MALRD1: variants seen among roughly 807,000 people sequenced by gnomAD.
The protein encoded by MALRD1 is MAM and LDL receptor class A domain containing 1.
Under a neutral mutation model 242.1 loss-of-function variants are expected in MALRD1, and 247 were observed. The ratio of observed to expected loss-of-function variants is 1.02; its 90% CI spans 0.92 to 1.13. MALRD1 has a LOEUF of 1.13. MALRD1 is among the 50% of genes most tolerant of loss of function. MALRD1 has a pLI of 0.00. For synonymous variants in MALRD1, 995 were observed against 866.6 expected, an observed-to-expected ratio of 1.15 and a Z score of -2.60; for missense variants, 2,989 against 2,533.1, an observed-to-expected ratio of 1.18 and a Z score of -3.86.
intron 31 of MALRD1, among the ~76,000 whole-genome samples, chr10:19,520,302 T>G (rs1833822348): frequency 6.6e-6 from 1 of 152,110 alleles, no homozygotes; most frequent in South Asian, 2.1e-4. Context: ...ATCGATGGTT[T>G]GTTTTCTAAA....
intron 28 of MALRD1, among the ~76,000 whole-genome samples, chr10:19,391,164 T>C (rs1846320466): frequency 6.6e-6 from 1 of 152,210 alleles, no homozygotes; most frequent in Non-Finnish European, 1.5e-5. Context: ...TTCCTGTGGT[T>C]CCTCTAATTG....
chr10:19,522,048 ATTC>A (rs962570617), intron 31 of MALRD1, among the ~76,000 whole-genome samples: 19 of 152,124 alleles, frequency 1.2e-4, no homozygotes, highest in Non-Finnish European at 1.8e-4. Flanking sequence ...CAACGCAACT[ATTC>A]TTCTGAATGA....
chr10:19,236,479 C>T (rs1327628967), intron 18 of MALRD1, among the ~76,000 whole-genome samples: 1 of 152,124 alleles, frequency 6.6e-6, no homozygotes, highest in African/African-American at 2.4e-5. Context: ...CCTTAGAAGG[C>T]CTATTAGGTT....
At chr10:19,604,809 A>T (rs1838528855) in intron 34 of MALRD1, among the ~76,000 whole-genome samples, 1 of 152,202 alleles carries the variant, frequency 6.6e-6, no homozygotes, top group Non-Finnish European at 1.5e-5. Context: ...GGTATAGTGC[A>T]GACATAACAT....
At chr10:19,649,745 C>T (rs1417805612) in intron 36 of MALRD1, among the ~76,000 whole-genome samples, 1 of 152,102 alleles carries the variant, frequency 6.6e-6, no homozygotes, top group Non-Finnish European at 1.5e-5. Context: ...TACCATTGGT[C>T]AATTTTTGCC....
chr10:19,125,349 CTTTCTT>C (rs2131385475), intron 7 of MALRD1, among the ~76,000 whole-genome samples: 1 of 101,770 alleles, frequency 9.8e-6, no homozygotes, highest in Non-Finnish European at 2.0e-5. Context: ...TTCTTTCTTT[CTTTCTT>C]TCTTTCTTTC....
intron 29 of MALRD1, among the ~76,000 whole-genome samples, chr10:19,461,076 C>T (rs1387816624): frequency 1.3e-5 from 2 of 152,090 alleles, no homozygotes. Context: ...TTTACAGAAG[C>T]ATGCATTGAA....
intron 21 of MALRD1, among the ~76,000 whole-genome samples, chr10:19,306,587 G>A (rs1365345218): frequency 6.7e-6 from 1 of 148,694 alleles, no homozygotes; most frequent in Non-Finnish European, 1.5e-5. Context: ...TATATATACT[G>A]TATATATACT....
At chr10:19,339,530 C>CT (rs1206196307) in intron 24 of MALRD1, among the ~76,000 whole-genome samples, 5 of 152,152 alleles carry the variant, frequency 3.3e-5, no homozygotes, top group Non-Finnish European at 5.9e-5. Flanking sequence ...AATTTTCAGT[C>CT]TCCTATAACA....
chr10:19,492,827 G>A (rs1837551131), intron 30 of MALRD1, among the ~76,000 whole-genome samples: 1 of 152,022 alleles, frequency 6.6e-6, no homozygotes, highest in South Asian at 2.1e-4. Flanking sequence ...ATGTAGAGAA[G>A]GTTGTAGGGT....
intron 28 of MALRD1, among the ~76,000 whole-genome samples, chr10:19,393,654 C>T (rs570986981): frequency 1.4e-5 from 2 of 146,146 alleles, no homozygotes; most frequent in Admixed American, 1.4e-4. Context: ...GACAGAGTTT[C>T]ACCATGTTAG....
chr10:19,221,863 A>G (rs765935224), intron 18 of MALRD1, among the ~76,000 whole-genome samples: 25 of 152,104 alleles, frequency 1.6e-4, no homozygotes, highest in Admixed American at 1.4e-3. Context: ...TACGTTGAAA[A>G]GAAAGAAGAA....
intron 26 of MALRD1, among the ~76,000 whole-genome samples, chr10:19,362,325 A>G (rs1446371435): frequency 6.6e-6 from 1 of 152,236 alleles, no homozygotes; most frequent in East Asian, 1.9e-4. Flanking sequence ...TGTAGATAAT[A>G]TTGAAAGTAT....
chr10:19,597,063 C>A (rs1256328087), intron 34 of MALRD1, among the ~76,000 whole-genome samples: 1 of 152,116 alleles, frequency 6.6e-6, no homozygotes, highest in Non-Finnish European at 1.5e-5. Flanking sequence ...AAACTCTTTT[C>A]CTGGTTCGGG....
At chr10:19,673,591 A>G (rs1564531839) in intron 36 of MALRD1, among the ~76,000 whole-genome samples, 2 of 152,106 alleles carry the variant, frequency 1.3e-5, no homozygotes, top group Non-Finnish European at 2.9e-5. Flanking sequence ...AGCTTCTATT[A>G]CTAGGCAAAT....
Position 19,351,987 on chromosome 10 carries a change from T to G in MALRD1, c.4150-19T>G, listed in dbSNP as rs1221072145. 6.6e-7 allele frequency: 1 copy of G among 1,514,070 alleles called. No homozygotes were observed. 93.8% of individuals were successfully genotyped at this position (1,514,070 alleles called of 1,614,324 possible). The stretch of plus-strand genomic sequence containing the variant: ...TATACTAATCATATCGTATGTAATA[T>G]TCCTATTCTTGATTACAGATTATTT... On this transcript the variant is annotated intron_variant, in intron 25 of 39. Transcript: ENST00000454679.
intron 24 of MALRD1, among the ~76,000 whole-genome samples, chr10:19,342,840 C>T (rs1441936807): frequency 6.6e-6 from 1 of 152,002 alleles, no homozygotes; most frequent in South Asian, 2.1e-4. Context: ...CCTCCTCTCT[C>T]TGTGGCAGTG....
chr10:19,257,731 G>T lies in MALRD1; in HGVS notation c.3039G>T (p.Ala1013=), dbSNP rs191065615. Residue 1013 remains alanine, a synonymous_variant, in exon 19 of 40, where the codon GCG becomes GCT. Transcript: ENST00000454679. ...SVGDGFTGDI[A]IDDLSFMDCT... is the part of the protein sequence containing the mutation. The stretch of plus-strand genomic sequence containing the variant: ...GAGATGGCTTCACTGGAGATATTGC[G>T]ATTGATGATCTGTCATTTATGGACT... The T allele has an allele frequency of 6.5e-7, 1 of 1,541,930 alleles. No homozygotes were observed. Among genetic ancestry groups the T allele is most frequent in the Non-Finnish European group, 8.8e-7 (1 of 1,141,956 alleles).
chr10:19,216,119 C>CTTTTTTTTTTTTTTTTTTTTTTTTCTT, intron 18 of MALRD1, among the ~76,000 whole-genome samples: 1 of 122,814 alleles, frequency 8.1e-6, no homozygotes, highest in Non-Finnish European at 1.6e-5. Context: ...TTCTTTCTTT[C>CTTTTTTTTTTTTTTTTTTTTTTTTCTT]TTTTTTTTTT....
Sources: gnomAD v4.1 joint callset for allele counts (sites outside exome capture counted in the v4.1 genomes callset) on GRCh38, gnomAD v4.1.1 for gene constraint, MANE v1.5 for transcripts, NCBI Gene and HGNC (gene_info 2026-07-23, HGNC 2026-07-21) for gene names.